The following IL16 variants were observed in gnomAD, a reference collection of about 807,000 sequenced individuals.
The protein encoded by IL16 is pro-interleukin-16.
A neutral mutation model predicts 110.1 loss-of-function variants in IL16; 67 were observed. The observed-to-expected ratio is 0.61, with a 90% CI of 0.50 to 0.75. The LOEUF (loss-of-function observed/expected upper bound fraction) is 0.75. Among genes scored for constraint, IL16 ranks in the 30% least tolerant of loss-of-function variants. IL16 has a pLI of 0.00. For synonymous variants in IL16, 689 were observed against 662.9 expected, an observed-to-expected ratio of 1.04 and a Z score of -0.61; for missense variants, 1,545 against 1,655.0, an observed-to-expected ratio of 0.93 and a Z score of 1.15.
At chr15:81,296,637 G>A (rs1302568901) in intron 12 of IL16, among the ~76,000 whole-genome samples, 1 of 152,092 alleles carries the variant, frequency 6.6e-6, no homozygotes, top group African/African-American at 2.4e-5. Flanking sequence ...CACACTCAAA[G>A]CCTTTTGTTC....
chr15:81,228,980 G>A lies in IL16; in HGVS notation c.312+3269G>A, dbSNP rs1896882510. On this transcript the variant is annotated intron_variant, in intron 2 of 18. Transcript: ENST00000683961. ...AGGATAACATTATAGGCACTTACAT[G>A]AGAAAATTCACCTAAAACAGAACAA... Among the ~76,000 whole-genome samples the A allele has an allele frequency of 3.3e-5, 5 of 152,166 alleles. 1 individual carries two copies. In the South Asian group the frequency reaches 1.0e-3, roughly 31 times the overall value.
chr15:81,267,491 C>CACACACAT (rs1555420237), intron 4 of IL16, among the ~76,000 whole-genome samples: 15 of 149,602 alleles, frequency 1.0e-4, no homozygotes, highest in African/African-American at 2.8e-4. Context: ...CACACACACA[C>CACACACAT]ACACACACAC....
At position 81,309,716 on chromosome 15, in the gene IL16, G is replaced by A. The variant is rs534894361; in HGVS notation, c.*918G>A. On this transcript the variant is annotated 3_prime_UTR_variant, in exon 19 of 19. Transcript: ENST00000683961. Reference sequence around the variant, plus strand: ...AGCTCAAAGCGTGGACAGGTGTGCCGACAGAAGGAACCAGCGTGTATATGA... The same window carrying A: ...AGCTCAAAGCGTGGACAGGTGTGCCAACAGAAGGAACCAGCGTGTATATGA... 1 of 152,366 alleles carries A rather than the reference G, an allele frequency of 6.6e-6. No homozygotes were observed. Among genetic ancestry groups the A allele is most frequent in the African/African-American group, 2.4e-5 (1 of 41,560 alleles). 9.4% of individuals were successfully genotyped at this position (152,366 alleles called of 1,614,324 possible). A position where few individuals can be genotyped will look rare whatever the true frequency, so the allele number is the denominator to read the frequency against.
intron 2 of IL16, among the ~76,000 whole-genome samples, chr15:81,250,013 G>A (rs1276443373): frequency 6.6e-6 from 1 of 151,744 alleles, no homozygotes; most frequent in East Asian, 1.9e-4. Flanking sequence ...AAGTTGGCTG[G>A]GAAGCCTTAT....
rs1447350423 is a variant in IL16 at position 81,312,313 on chromosome 15, G to A, written c.*3515G>A. 6.6e-6 allele frequency: 1 copy of A among 152,290 alleles called. No individual in the cohort carries two copies. Among genetic ancestry groups the A allele is most frequent in the African/African-American group, 2.4e-5 (1 of 41,472 alleles). The allele number at this position is 152,290 out of a possible 1,614,324, so 9.4% of individuals were successfully genotyped here. ...GTACAGTCTTGCAGCAGGATCTAGAGGGGGGATTTCCAGCCAGGGCTGCTA... is the reference window on the plus strand; with the variant it reads ...GTACAGTCTTGCAGCAGGATCTAGAAGGGGGATTTCCAGCCAGGGCTGCTA... On this transcript the variant is annotated 3_prime_UTR_variant, in exon 19 of 19. Coordinates refer to ENST00000683961, the MANE Select transcript of IL16 (RefSeq NM_172217.5).
At chr15:81,296,796 C>A in intron 12 of IL16, 132 bp from the exon 13 acceptor site, 2 of 773,498 alleles carry the variant, frequency 2.6e-6, no homozygotes, top group Non-Finnish European at 2.1e-6. Context: ...ATCCTCTTTA[C>A]ATGGCTGCTG....
intron 1 of IL16, 25 bp from the exon 2 acceptor site, chr15:81,225,274 T>C: frequency 6.7e-7 from 1 of 1,485,072 alleles, no homozygotes; most frequent in South Asian, 1.3e-5. Flanking sequence ...TCACATTGCT[T>C]CTTCCCATTT....
chr15:81,186,464 C>T (rs1219654094), intron 1 of IL16, among the ~76,000 whole-genome samples: 1 of 152,154 alleles, frequency 6.6e-6, no homozygotes, highest in East Asian at 1.9e-4. Flanking sequence ...TCTACATATC[C>T]ATACTGCTCA....
Position 81,290,553 on chromosome 15 carries a change from G to A in IL16, c.1420+13G>A. 1 of 1,565,302 alleles carries A rather than the reference G, an allele frequency of 6.4e-7. No homozygotes were observed. The highest frequency in any genetic ancestry group is 8.8e-7 in the Non-Finnish European group (1 of 1,139,296). On this transcript the variant is annotated intron_variant, in intron 11 of 18. Transcript: ENST00000683961. Reference sequence around the variant, plus strand: ...TGGAGTCTGGAAGGTAAGACAAATGGTGAACTTTGATGTAAAATATCTTTG... The same window carrying A: ...TGGAGTCTGGAAGGTAAGACAAATGATGAACTTTGATGTAAAATATCTTTG...
chr15:81,206,862 AAAT>A (rs1245180727), intron 1 of IL16, among the ~76,000 whole-genome samples: 5 of 140,574 alleles, frequency 3.6e-5, no homozygotes, highest in East Asian at 2.0e-4. Flanking sequence ...TTCGGGCTTT[AAAT>A]AATGATGATG....
Position 81,209,781 on chromosome 15 carries a change from G to A in IL16, c.-102+12629G>A, listed in dbSNP as rs189798191. 6.0e-4 allele frequency among the ~76,000 whole-genome samples: 92 copies of A among 152,170 alleles called. No individual in the cohort carries two copies. In the East Asian group the frequency reaches 0.011, roughly 19 times the overall value. ...TCTGCCTACCTCCCTGCCTCCCCTC[G>A]CCAGTGGCCCTGCACCCAGGCGTGA... On this transcript the variant is annotated intron_variant, in intron 1 of 18. Transcript: ENST00000683961.
chr15:81,199,654 G>A (rs1895738878), intron 1 of IL16, among the ~76,000 whole-genome samples: 1 of 152,156 alleles, frequency 6.6e-6, no homozygotes, highest in African/African-American at 2.4e-5. Context: ...CCAATAGGAG[G>A]CGGTCACCTA....
intron 2 of IL16, 87 bp downstream of exon 2, chr15:81,225,798 A>G (rs1896770810): frequency 8.3e-7 from 1 of 1,202,884 alleles, no homozygotes; most frequent in Non-Finnish European, 1.1e-6. Context: ...TTATTCAAAA[A>G]TCATGAAGCT....
chr15:81,204,093 G>A (rs1895921648), intron 1 of IL16, among the ~76,000 whole-genome samples: 1 of 151,926 alleles, frequency 6.6e-6, no homozygotes, highest in South Asian at 2.1e-4. Flanking sequence ...AATTGTGAAT[G>A]GGAGTTCACT....
At chr15:81,261,860 G>C (rs1272012384) in intron 3 of IL16, among the ~76,000 whole-genome samples, 2 of 152,168 alleles carry the variant, frequency 1.3e-5, no homozygotes, top group African/African-American at 4.8e-5. Context: ...CTTGAACCCA[G>C]GAGTTTGAGA....
intron 1 of IL16, among the ~76,000 whole-genome samples, chr15:81,204,365 T>C (rs1435093141): frequency 6.6e-6 from 1 of 152,142 alleles, no homozygotes; most frequent in Non-Finnish European, 1.5e-5. Context: ...CTATGTTGAA[T>C]AGGAGTGGTG....
Position 81,225,681 on chromosome 15 carries a change from C to T in IL16, c.282C>T (p.Gly94=), listed in dbSNP as rs374725926. Reference sequence around the variant, plus strand: ...TCCAAGCAGCTGGGAATGATCGAGGCAAGACCTGTAGGAGGATATTCTTCA... The same window carrying T: ...TCCAAGCAGCTGGGAATGATCGAGGTAAGACCTGTAGGAGGATATTCTTCA... ...AQLQAAGNDR[G]KTCRRIFFMK... is the part of the protein sequence containing the mutation. Residue 94 remains glycine (G), a synonymous_variant, in exon 2 of 19, where the codon GGC becomes GGT. Coordinates refer to ENST00000683961, the MANE Select transcript of IL16 (RefSeq NM_172217.5). 2 of 1,613,186 alleles carry T rather than the reference C, an allele frequency of 1.2e-6. No individual in the cohort carries two copies. Among genetic ancestry groups the T allele is most frequent in the Admixed American group, 1.7e-5 (1 of 59,964 alleles).
At position 81,313,145 on chromosome 15, in the gene IL16, G is replaced by T; in HGVS notation, c.*4347G>T. The T allele has an allele frequency of 7.7e-7, 1 of 1,294,050 alleles. No homozygotes were observed. Among genetic ancestry groups the T allele is most frequent in the Non-Finnish European group, 1.0e-6 (1 of 972,830 alleles). The allele number at this position is 1,294,050 out of a possible 1,614,324, so 80.2% of individuals were successfully genotyped here. On this transcript the variant is annotated 3_prime_UTR_variant, in exon 19 of 19. Transcript: ENST00000683961. ...TCAGAGATGCGCAGTCCATCAGCTT[G>T]TTCCAAAGAGTGAACACAGGCCTCT...
Position 81,278,910 on chromosome 15 carries a change from A to G in IL16, c.864+20A>G. On this transcript the variant is annotated intron_variant, in intron 7 of 18. Transcript: ENST00000683961. ...TTCAAGGTGACCATTTCTTATCAAC[A>G]CGTGACCAAACTCTGGGGCCTTCAG... 6.5e-7 allele frequency: 1 copy of G among 1,546,662 alleles called. No homozygotes were observed. The highest frequency in any genetic ancestry group is 8.9e-7 in the Non-Finnish European group (1 of 1,118,648).
Sources: gnomAD v4.1 joint callset for allele counts (sites outside exome capture counted in the v4.1 genomes callset) on GRCh38, gnomAD v4.1.1 for gene constraint, MANE v1.5 for transcripts, NCBI Gene and HGNC (gene_info 2026-07-23, HGNC 2026-07-21) for gene names.